The following PRRG1 variants were observed in gnomAD, a reference collection of about 807,000 sequenced individuals.
PRRG1 encodes transmembrane gamma-carboxyglutamic acid protein 1.
In PRRG1, 5 loss-of-function variants were observed where a neutral mutation model predicts 11.8. The ratio of observed to expected loss-of-function variants is 0.42; its 90% CI spans 0.22 to 0.89. The LOEUF (loss-of-function observed/expected upper bound fraction) is 0.89. PRRG1 is among the 40% of genes least tolerant of loss of function. The pLI is 0.28. For missense variants in PRRG1, 155 were observed against 166.1 expected, an observed-to-expected ratio of 0.93 and a Z score of 0.37; for synonymous variants, 66 against 60.4, an observed-to-expected ratio of 1.09 and a Z score of -0.43.
intron 1 of PRRG1, among the ~76,000 whole-genome samples, chrX:37,384,406 T>A (rs1375788070): frequency 3.6e-5 from 4 of 111,947 alleles, no homozygotes; most frequent in African/African-American, 1.3e-4. Flanking sequence ...GTCTTCATAA[T>A]GGCTTCTCTC....
At chrX:37,401,932 T>C (rs1932003096) in intron 1 of PRRG1, among the ~76,000 whole-genome samples, 2 of 110,582 alleles carry the variant, frequency 1.8e-5, no homozygotes, top group African/African-American at 6.6e-5. Context: ...TTACAAGGGA[T>C]GTGAAGGACC....
intron 3 of PRRG1, among the ~76,000 whole-genome samples, chrX:37,452,903 A>C (rs1921197674): frequency 8.9e-6 from 1 of 112,343 alleles, no homozygotes; most frequent in Admixed American, 9.4e-5. Flanking sequence ...CCAAGTCTTT[A>C]AAAACACTCT....
At chrX:37,441,912 A>C in intron 3 of PRRG1, 1 of 771,467 alleles carries the variant, frequency 1.3e-6, no homozygotes, top group Non-Finnish European at 1.5e-6. Context: ...ACCCCCAGCT[A>C]TGCGACTTCC....
At chrX:37,405,817 GAGACAGGA>G (rs782680117) in intron 1 of PRRG1, among the ~76,000 whole-genome samples, 74 of 111,777 alleles carry the variant, frequency 6.6e-4, no homozygotes, top group Non-Finnish European at 1.1e-3. Context: ...AGGGAAGCCG[GAGACAGGA>G]AAGCTAGTAA....
chrX:37,438,997 G>A (rs2077277554), intron 3 of PRRG1, among the ~76,000 whole-genome samples: 1 of 111,714 alleles, frequency 9.0e-6, no homozygotes, highest in South Asian at 3.8e-4. Context: ...CTCATGGTTG[G>A]TATATCAGTA....
At chrX:37,414,509 T>C (rs1932434840) in intron 2 of PRRG1, among the ~76,000 whole-genome samples, 1 of 112,494 alleles carries the variant, frequency 8.9e-6, no homozygotes, top group Non-Finnish European at 1.9e-5. Context: ...GTTTCCAATG[T>C]GTTCGGTGAA....
chrX:37,432,488 A>G (rs1246665266), intron 3 of PRRG1, among the ~76,000 whole-genome samples: 2 of 110,147 alleles, frequency 1.8e-5, no homozygotes, highest in Non-Finnish European at 3.8e-5. Context: ...CATGTCAGCA[A>G]TCTTTGAAGC....
chrX:37,367,291 T>G lies in PRRG1; in HGVS notation c.-42+17896T>G, dbSNP rs1464451755. On this transcript the variant is annotated intron_variant, in intron 1 of 3. Transcript: ENST00000378628. ...CTTCTAAGCACTATTTTAACTGTGT[T>G]TGTAGATTTTGATATGTATTTTTAT... Among the ~76,000 whole-genome samples, 7 of 112,634 alleles carry G rather than the reference T, an allele frequency of 6.2e-5. No individual in the cohort carries two copies. In the East Asian group the frequency reaches 1.4e-3, roughly 22 times the overall value.
chrX:37,431,793 A>T (rs1932829943), intron 3 of PRRG1, among the ~76,000 whole-genome samples: 1 of 111,453 alleles, frequency 9.0e-6, no homozygotes, highest in Admixed American at 9.6e-5. Flanking sequence ...TTGGAGACAG[A>T]TTCTCGCTCT....
chrX:37,367,341 A>G (rs1031762945), intron 1 of PRRG1, among the ~76,000 whole-genome samples: 1 of 111,950 alleles, frequency 8.9e-6, no homozygotes, highest in Non-Finnish European at 1.9e-5. Flanking sequence ...AATTTTGTCT[A>G]CTTTCTCTTG....
intron 1 of PRRG1, among the ~76,000 whole-genome samples, chrX:37,355,526 G>A (rs183198985): frequency 8.9e-6 from 1 of 112,050 alleles, no homozygotes; most frequent in East Asian, 2.8e-4. Flanking sequence ...AAGGTGAAAA[G>A]CCTGCTGGAG....
chrX:37,392,443 C>T (rs1556376972), intron 1 of PRRG1, among the ~76,000 whole-genome samples: 1 of 109,357 alleles, frequency 9.1e-6, no homozygotes, highest in Admixed American at 9.8e-5. Flanking sequence ...CTCAAGCTTG[C>T]CTAGCTTTGC....
At chrX:37,396,469 A>G (rs1931717984) in intron 1 of PRRG1, among the ~76,000 whole-genome samples, 1 of 111,444 alleles carries the variant, frequency 9.0e-6, no homozygotes, top group Admixed American at 9.5e-5. Context: ...GATAGTGAAT[A>G]AGTCTCATGA....
intron 1 of PRRG1, among the ~76,000 whole-genome samples, chrX:37,380,614 C>G (rs1183568482): frequency 9.0e-6 from 1 of 110,986 alleles, no homozygotes; most frequent in African/African-American, 3.3e-5. Flanking sequence ...AAAAAATCTT[C>G]AGACAGAACT....
chrX:37,382,189 G>A (rs1214152243), intron 1 of PRRG1, among the ~76,000 whole-genome samples: 1 of 111,624 alleles, frequency 9.0e-6, no homozygotes, highest in Admixed American at 9.5e-5. Context: ...CTTCACTATA[G>A]GAAAGCTTCA....
intron 1 of PRRG1, among the ~76,000 whole-genome samples, chrX:37,379,809 A>C (rs1931094899): frequency 8.9e-6 from 1 of 112,021 alleles, no homozygotes; most frequent in African/African-American, 3.2e-5. Flanking sequence ...TATCTTATTC[A>C]TCAGTTATTG....
In PRRG1 at chrX:37,432,742, A is replaced by G. The variant is rs572045855; in HGVS notation, c.171+6742A>G. Among the ~76,000 whole-genome samples the G allele has an allele frequency of 9.6e-4, 108 of 112,248 alleles. 1 individual carries two copies. The South Asian group carries it at 0.038, about 40-fold the overall frequency. Reference sequence around the variant, plus strand: ...TCCTCTTCTCATACTTCAAATGCTAATAACTTCCAAATTTATATTTGTAGT... The same window carrying G: ...TCCTCTTCTCATACTTCAAATGCTAGTAACTTCCAAATTTATATTTGTAGT... On this transcript the variant is annotated intron_variant, in intron 3 of 3. Coordinates refer to ENST00000378628, the MANE Select transcript of PRRG1 (RefSeq NM_001142395.2).
intron 3 of PRRG1, among the ~76,000 whole-genome samples, chrX:37,427,695 T>A (rs192064607): frequency 6.3e-4 from 71 of 112,176 alleles, no homozygotes; most frequent in African/African-American, 2.2e-3. Context: ...CATATATAAG[T>A]GAGATCCTGT....
intron 1 of PRRG1, among the ~76,000 whole-genome samples, chrX:37,390,353 G>C (rs1009040968): frequency 2.4e-4 from 27 of 111,376 alleles, no homozygotes; most frequent in African/African-American, 8.2e-4. Flanking sequence ...ATCACTGGTA[G>C]AATGAAAAAA....
Sources: gnomAD v4.1 joint callset for allele counts (sites outside exome capture counted in the v4.1 genomes callset) on GRCh38, gnomAD v4.1.1 for gene constraint, MANE v1.5 for transcripts, NCBI Gene and HGNC (gene_info 2026-07-23, HGNC 2026-07-21) for gene names.